PCDH15: variants seen among roughly 807,000 people sequenced by gnomAD.
The protein encoded by PCDH15 is protocadherin-15.
PCDH15 carries 129 observed loss-of-function variants against 178.5 expected under a neutral mutation model. The ratio of observed to expected loss-of-function variants is 0.72; its 90% CI spans 0.63 to 0.84. PCDH15 has a LOEUF of 0.84. Among genes scored for constraint, PCDH15 ranks in the 40% least tolerant of loss-of-function variants. The probability of loss-of-function intolerance (pLI) is 0.00; values close to 1 mark genes in which losing one functional copy is unlikely to be tolerated. For missense variants in PCDH15, 2,230 were observed against 2,099.9 expected (o/e 1.06, Z -1.21); for synonymous variants, 800 against 732.0 (o/e 1.09, Z -1.50).
intron 1 of PCDH15, among the ~76,000 whole-genome samples, chr10:55,180,556 G>A (rs1839620194): frequency 6.6e-6 from 1 of 152,086 alleles, no homozygotes. Context: ...ATCAGGCATT[G>A]TCCTGAGTTA....
chr10:54,753,224 C>T (rs1466261394), intron 1 of PCDH15, among the ~76,000 whole-genome samples: 5 of 152,028 alleles, frequency 3.3e-5, no homozygotes, highest in African/African-American at 9.7e-5. Flanking sequence ...GTCTCTGTCA[C>T]CCAGGCTGGG....
At chr10:54,917,466 T>C (rs1484299061) in intron 2 of PCDH15, among the ~76,000 whole-genome samples, 1 of 152,184 alleles carries the variant, frequency 6.6e-6, no homozygotes, top group Non-Finnish European at 1.5e-5. Flanking sequence ...AAGATGACAA[T>C]AAACCATATT....
chr10:54,027,680 A>C (rs1173337824), intron 18 of PCDH15, among the ~76,000 whole-genome samples: 1 of 148,898 alleles, frequency 6.7e-6, no homozygotes, highest in Non-Finnish European at 1.5e-5. Context: ...GAGAAAAACA[A>C]GCAATGGGGA....
intron 21 of PCDH15, among the ~76,000 whole-genome samples, chr10:53,985,635 C>T (rs1318893072): frequency 6.6e-6 from 1 of 152,064 alleles, no homozygotes; most frequent in East Asian, 1.9e-4. Flanking sequence ...ATTATAAACA[C>T]ACCCCGAGAA....
intron 2 of PCDH15, among the ~76,000 whole-genome samples, chr10:55,539,870 G>A (rs1280523097): frequency 6.6e-6 from 1 of 151,988 alleles, no homozygotes; most frequent in Non-Finnish European, 1.5e-5. Flanking sequence ...AGGTACTCTT[G>A]TATATACTTT....
In PCDH15 at chr10:54,295,534, T is replaced by C. The variant is rs181323044; in HGVS notation, c.876+21737A>G. On this transcript the variant is annotated intron_variant, in intron 8 of 37. Transcript: ENST00000644397. ...CTGTAACACTCACTGAGAAGGTTCA[T>C]GGCTTCACTCCTGAAGTCAGTGAGA... Among the ~76,000 whole-genome samples the C allele has an allele frequency of 2.6e-3, 393 of 152,328 alleles. 1 individual carries two copies. Among genetic ancestry groups the C allele is most frequent in the African/African-American group, 7.1e-3 (295 of 41,564 alleles).
chr10:54,874,610 C>T lies in PCDH15; in HGVS notation c.-29+22840G>A, dbSNP rs1299334565. Reference sequence around the variant, plus strand: ...TCTGCACAGCGAAAGAAACTACCATCAGAGTTAACAGTTTTCTTTAAATAA... The same window carrying T: ...TCTGCACAGCGAAAGAAACTACCATTAGAGTTAACAGTTTTCTTTAAATAA... On this transcript the variant is annotated intron_variant, in intron 3 of 5. Transcript: ENST00000458638. Among the ~76,000 whole-genome samples, 4 of 151,964 alleles carry T rather than the reference C, an allele frequency of 2.6e-5. No homozygotes were observed. In the South Asian group the frequency reaches 8.3e-4, roughly 32 times the overall value.
chr10:55,592,931 T>C (rs1589163129), intron 2 of PCDH15, among the ~76,000 whole-genome samples: 1 of 152,144 alleles, frequency 6.6e-6, no homozygotes, highest in East Asian at 1.9e-4. Context: ...TCTAAAGAGA[T>C]TTTAAAAGTG....
intron 2 of PCDH15, among the ~76,000 whole-genome samples, chr10:55,622,189 T>C (rs1453260110): frequency 1.1e-5 from 1 of 90,066 alleles, no homozygotes; most frequent in East Asian, 2.6e-4. Context: ...ATATATACAT[T>C]TTATGTAGAC....
intron 1 of PCDH15, among the ~76,000 whole-genome samples, chr10:55,241,015 G>C (rs1241333878): frequency 2.0e-5 from 3 of 152,162 alleles, no homozygotes; most frequent in Non-Finnish European, 4.4e-5. Flanking sequence ...AGGAGATCGA[G>C]ACCATCCTGG....
intron 32 of PCDH15, chr10:53,822,219 A>G: frequency 1.9e-6 from 3 of 1,614,028 alleles, no homozygotes; most frequent in Non-Finnish European, 2.5e-6. Context: ...CTCTGTGGAC[A>G]GAAATGAAGC....
chr10:55,346,292 T>C (rs927873781), intron 2 of PCDH15, among the ~76,000 whole-genome samples: 5 of 152,162 alleles, frequency 3.3e-5, no homozygotes, highest in African/African-American at 7.2e-5. Context: ...TGTGTACACA[T>C]TGCAATGAAG....
chr10:55,515,579 T>C (rs1055675140), intron 2 of PCDH15, among the ~76,000 whole-genome samples: 8 of 152,090 alleles, frequency 5.3e-5, no homozygotes, highest in African/African-American at 1.9e-4. Context: ...AATTAATAAG[T>C]AGTTATGAAA....
chr10:54,864,445 G>A (rs928701991), intron 3 of PCDH15, among the ~76,000 whole-genome samples: 4 of 151,870 alleles, frequency 2.6e-5, no homozygotes, highest in African/African-American at 9.7e-5. Flanking sequence ...AAAATAAATG[G>A]GCTAAAATAT....
intron 2 of PCDH15, among the ~76,000 whole-genome samples, chr10:55,614,359 T>G (rs2132163255): frequency 6.6e-6 from 1 of 152,286 alleles, no homozygotes; most frequent in South Asian, 2.1e-4. Context: ...TATCCATTAA[T>G]ATTATAGCAG....
At chr10:54,735,822 C>A (rs1944034050) in intron 1 of PCDH15, among the ~76,000 whole-genome samples, 1 of 117,760 alleles carries the variant, frequency 8.5e-6, no homozygotes, top group Non-Finnish European at 1.7e-5. Flanking sequence ...ACAATGAGAT[C>A]ACATGGACAC....
intron 2 of PCDH15, among the ~76,000 whole-genome samples, chr10:55,444,133 G>A (rs775976996): frequency 1.5e-4 from 23 of 151,694 alleles, no homozygotes; most frequent in Non-Finnish European, 3.4e-4. Context: ...GGGGCCTATC[G>A]GGGGGTGGGG....
chr10:55,217,843 AAAAG>A (rs1340829295), intron 1 of PCDH15, among the ~76,000 whole-genome samples: 1 of 152,032 alleles, frequency 6.6e-6, no homozygotes, highest in Non-Finnish European at 1.5e-5. Context: ...CTGCTGGAAA[AAAAG>A]AAAAGAAATT....
At chr10:54,838,950 A>C (rs1953369420) in intron 3 of PCDH15, among the ~76,000 whole-genome samples, 1 of 152,122 alleles carries the variant, frequency 6.6e-6, no homozygotes, top group Non-Finnish European at 1.5e-5. Flanking sequence ...TGCAGACTAC[A>C]CAGAGGCCCT....
Sources: gnomAD v4.1 joint callset for allele counts (sites outside exome capture counted in the v4.1 genomes callset) on GRCh38, gnomAD v4.1.1 for gene constraint, MANE v1.5 for transcripts, NCBI Gene and HGNC (gene_info 2026-07-23, HGNC 2026-07-21) for gene names.